Variants in SRBD1 observed in about 807,000 individuals in gnomAD.
SRBD1 encodes S1 RNA-binding domain-containing protein 1.
In SRBD1, 88 loss-of-function variants were observed where a neutral mutation model predicts 115.3. The ratio of observed to expected loss-of-function variants is 0.76; its 90% CI spans 0.64 to 0.91. The LOEUF (loss-of-function observed/expected upper bound fraction) is 0.91, where lower values mean the gene tolerates loss of function less well. Ranked by LOEUF, SRBD1 falls within the 40% of genes least tolerant of loss-of-function variation. The pLI, the probability that SRBD1 is intolerant of heterozygous loss-of-function variation, is 0.00. For missense variants in SRBD1, 1,385 were observed against 1,177.4 expected, an observed-to-expected ratio of 1.18 and a Z score of -2.58; for synonymous variants, 509 against 407.7, an observed-to-expected ratio of 1.25 and a Z score of -2.99.
At chr2:45,415,633 T>C (rs201526576) in intron 18 of SRBD1, among the ~76,000 whole-genome samples, 13,675 of 85,650 alleles carry the variant, frequency 0.16, 1,968 homozygotes, top group African/African-American at 0.32. Flanking sequence ...ATAGAGAGAG[T>C]GAGAGAAAAG....
intron 19 of SRBD1, 131 bp from the exon 20 acceptor site, chr2:45,393,260 A>G (rs1667056372): frequency 2.2e-6 from 2 of 910,720 alleles, no homozygotes; most frequent in Admixed American, 3.3e-5. Context: ...TTGAGAATCT[A>G]TTATGTGTCC....
intron 14 of SRBD1, among the ~76,000 whole-genome samples, chr2:45,522,875 T>C (rs927952539): frequency 6.6e-6 from 1 of 152,204 alleles, no homozygotes; most frequent in Admixed American, 6.5e-5. Context: ...ATGTTATCAA[T>C]AATGCTTCCA....
intron 8 of SRBD1, among the ~76,000 whole-genome samples, chr2:45,573,887 T>C (rs560456752): frequency 6.6e-6 from 1 of 152,230 alleles, no homozygotes; most frequent in South Asian, 2.1e-4. Context: ...CTAGCAACAG[T>C]AGTCAACTAG....
chr2:45,459,080 G>T (rs113160486), intron 16 of SRBD1, among the ~76,000 whole-genome samples: 114 of 152,154 alleles, frequency 7.5e-4, no homozygotes, highest in African/African-American at 2.3e-3. Context: ...TTCTGTTGTT[G>T]CTGCTGTGTT....
intron 4 of SRBD1, among the ~76,000 whole-genome samples, chr2:45,594,401 G>C (rs1673827816): frequency 6.6e-6 from 1 of 152,154 alleles, no homozygotes; most frequent in Non-Finnish European, 1.5e-5. Context: ...GAAAGAAACT[G>C]GACAACAACC....
chr2:45,489,422 C>G (rs565201254), intron 14 of SRBD1, among the ~76,000 whole-genome samples: 1 of 152,060 alleles, frequency 6.6e-6, no homozygotes, highest in African/African-American at 2.4e-5. Context: ...GTTTGCTATC[C>G]CCATCTTTGG....
chr2:45,523,319 G>A (rs1430934988), intron 14 of SRBD1, among the ~76,000 whole-genome samples: 1 of 143,918 alleles, frequency 6.9e-6, no homozygotes, highest in Non-Finnish European at 1.5e-5. Flanking sequence ...GTAGGCAGAA[G>A]GAAGGAAGTA....
Position 45,484,750 on chromosome 2 carries a change from T to C in SRBD1, c.1966+3490A>G, listed in dbSNP as rs370919470. The stretch of plus-strand genomic sequence containing the variant: ...CCATTAAGCAGTCACTGTCCATTCC[T>C]GTCTCTCCCCAGTCCCTGACAACCT... On this transcript the variant is annotated intron_variant, in intron 15 of 20. Coordinates refer to ENST00000263736, the MANE Select transcript of SRBD1 (RefSeq NM_018079.5). Among the ~76,000 whole-genome samples, 45 of 152,366 alleles carry C rather than the reference T, an allele frequency of 3.0e-4. No homozygotes were observed. In the East Asian group the frequency reaches 5.6e-3, roughly 19 times the overall value.
At chr2:45,417,318 G>A (rs1667862737) in intron 18 of SRBD1, among the ~76,000 whole-genome samples, 1 of 152,060 alleles carries the variant, frequency 6.6e-6, no homozygotes, top group African/African-American at 2.4e-5. Context: ...TTGAATTACT[G>A]GCAGTTGTCA....
At chr2:45,562,243 C>G (rs1672688235) in intron 10 of SRBD1, among the ~76,000 whole-genome samples, 2 of 151,998 alleles carry the variant, frequency 1.3e-5, no homozygotes, top group Admixed American at 1.3e-4. Context: ...TGTTTGTTTT[C>G]TTGAGATGGA....
chr2:45,409,515 C>CAAA (rs59849294), intron 19 of SRBD1, among the ~76,000 whole-genome samples: 1,276 of 117,838 alleles, frequency 0.011, 22 homozygotes, highest in African/African-American at 0.037. Context: ...TTGCAATAGG[C>CAAA]AAAAAAAAAA....
chr2:45,593,295 C>A (rs1342012516), intron 4 of SRBD1, among the ~76,000 whole-genome samples: 1 of 152,092 alleles, frequency 6.6e-6, no homozygotes, highest in African/African-American at 2.4e-5. Context: ...AAGTAAACTG[C>A]CCAAAATTCC....
chr2:45,545,315 A>AAAAAAAAAAAAAAAAAAAC (rs1209226372), intron 14 of SRBD1, among the ~76,000 whole-genome samples: 2 of 123,622 alleles, frequency 1.6e-5, no homozygotes, highest in Admixed American at 9.0e-5. Flanking sequence ...AAAAAAAAAA[A>AAAAAAAAAAAAAAAAAAAC]CAGATGAACC....
At chr2:45,449,558 A>G (rs1380701511) in intron 16 of SRBD1, among the ~76,000 whole-genome samples, 1 of 152,198 alleles carries the variant, frequency 6.6e-6, no homozygotes, top group Non-Finnish European at 1.5e-5. Flanking sequence ...TTTTATTTCA[A>G]GTATCTAAGC....
chr2:45,427,420 G>C (rs1380342499), intron 16 of SRBD1, among the ~76,000 whole-genome samples: 1 of 150,096 alleles, frequency 6.7e-6, no homozygotes, highest in Non-Finnish European at 1.5e-5. Context: ...AAAATAAAGG[G>C]ATGGAGGAAT....
intron 14 of SRBD1, among the ~76,000 whole-genome samples, chr2:45,535,468 T>A (rs114076575): frequency 0.024 from 3,635 of 152,066 alleles, 89 homozygotes; most frequent in Middle Eastern, 0.068. Flanking sequence ...CTGTCCAAGA[T>A]TACACTCAGT....
chr2:45,475,152 C>G (rs1457123619), intron 16 of SRBD1, among the ~76,000 whole-genome samples: 2 of 152,122 alleles, frequency 1.3e-5, no homozygotes, highest in African/African-American at 4.8e-5. Context: ...CCCACCAAAC[C>G]TGCTCTACTC....
At chr2:45,398,520 T>G (rs1237470203) in intron 19 of SRBD1, among the ~76,000 whole-genome samples, 1 of 152,204 alleles carries the variant, frequency 6.6e-6, no homozygotes, top group African/African-American at 2.4e-5. Flanking sequence ...CAAAGATCTG[T>G]TATACATGTA....
chr2:45,396,423 T>C (rs770690427), intron 19 of SRBD1, among the ~76,000 whole-genome samples: 1 of 152,200 alleles, frequency 6.6e-6, no homozygotes, highest in Admixed American at 6.5e-5. Flanking sequence ...AGTCATATTC[T>C]CATTTTCTCC....
Sources: gnomAD v4.1 joint callset for allele counts (sites outside exome capture counted in the v4.1 genomes callset) on GRCh38, gnomAD v4.1.1 for gene constraint, MANE v1.5 for transcripts, NCBI Gene and HGNC (gene_info 2026-07-23, HGNC 2026-07-21) for gene names.